The following NEB variants were observed in gnomAD, a reference collection of about 807,000 sequenced individuals.
NEB encodes nemaline myopathy type 2.
In NEB, 512 loss-of-function variants were observed where a neutral mutation model predicts 952.2. That is an observed-to-expected ratio of 0.54 (90% CI 0.50 to 0.58). NEB has a LOEUF of 0.58. NEB is among the 20% of genes least tolerant of loss of function. The pLI is 0.00. For missense variants in NEB, 8,428 were observed against 9,231.1 expected (o/e 0.91, Z 3.56); for synonymous variants, 2,900 against 3,149.8 (o/e 0.92, Z 2.66).
Position 151,513,674 on chromosome 2 carries a change from A to G in NEB, c.23147T>C (p.Leu7716Pro). 6.2e-7 allele frequency: 1 copy of G among 1,604,126 alleles called. No individual in the cohort carries two copies. The highest frequency in any genetic ancestry group is 8.5e-7 in the Non-Finnish European group (1 of 1,174,670). ...GCCTCTTCCTTTGACTTCCAGTTCC[A>G]GGTCTCGCTTATATTCTTTCTATAG... ...ILNEKEYKRD[L>P]ELEVKGRGLN... The change falls in exon 160 of 182, where the codon CTG (leucine) becomes CCG (proline). Residue 7716 changes from leucine (L) to proline (P), a missense_variant. By Grantham distance (98) the Leu-to-Pro change is moderately conservative. Transcript: ENST00000397345.
chr2:151,537,947 C>T lies in NEB; in HGVS notation c.21027G>A (p.Gln7009=), dbSNP rs758282270. Residue 7009 remains glutamine (Q), a synonymous_variant, in exon 140 of 182, where the codon CAG becomes CAA. Coordinates refer to ENST00000397345, the MANE Select transcript of NEB (RefSeq NM_001164508.2). The stretch of plus-strand genomic sequence containing the variant: ...CAGGAATGGACCTCCAGATACCCAA[C>T]TGGCTCATGTAGTTCTCCTTGTATT... ...KIKYKENYMS[Q]LGIWRSIPDR... The T allele has an allele frequency of 8.1e-6, 13 of 1,613,400 alleles. No homozygotes were observed. The African/African-American group carries it at 1.3e-4, about 17-fold the overall frequency.
In NEB at chr2:151,493,410, C is replaced by T. The variant is rs768683537; in HGVS notation, c.24708G>A (p.Pro8236=). The change falls in exon 176 of 182, where the codon CCG becomes CCA. Residue 8236 remains proline (P), a synonymous_variant. Coordinates refer to ENST00000397345, the MANE Select transcript of NEB (RefSeq NM_001164508.2). The part of the protein sequence containing the change: ...LYKENMRKAT[P]TPVTPEMERA... ...TCTCCATCTCTGGAGTAACAGGTGT[C>T]GGAGTTGCTTTTCTCATGTTCTCTT... The T allele has an allele frequency of 1.9e-6, 3 of 1,607,024 alleles. No individual in the cohort carries two copies. Among genetic ancestry groups the T allele is most frequent in the East Asian group, 2.2e-5 (1 of 44,712 alleles).
chr2:151,496,251 G>C (rs368290448), intron 173 of NEB, 25 bp downstream of exon 173: 21 of 1,551,950 alleles, frequency 1.4e-5, no homozygotes, highest in Non-Finnish European at 1.8e-5. Flanking sequence ...TCAGTAAGTA[G>C]TTTTTTTCTT....
chr2:151,515,059 C>T (rs899863198), intron 157 of NEB, 131 bp from the exon 158 acceptor site: 2 of 632,692 alleles, frequency 3.2e-6, no homozygotes, highest in Non-Finnish European at 5.5e-6. Context: ...CTAATGGTCA[C>T]ACATTTGAAA....
Position 151,697,210 on chromosome 2 carries a change from A to C in NEB, c.1408T>G (p.Phe470Val). 6.2e-7 allele frequency: 1 copy of C among 1,613,848 alleles called. No individual in the cohort carries two copies. The highest frequency in any genetic ancestry group is 8.5e-7 in the Non-Finnish European group (1 of 1,179,862). The change falls in exon 16 of 182, where the codon TTC becomes GTC. Residue 470 changes from phenylalanine (F) to valine (V), a missense_variant. Transcript: ENST00000397345. ...TCTTGAGTTATGGTCTGAGGGAAGA[A>C]GCCTTTGCCTCTGTCTTCTTCGTAT... ...AEYEEDRGKG[F>V]FPQTITQEYE...
Position 151,682,938 on chromosome 2 carries a change from C to T in NEB, c.2836-169G>A, listed in dbSNP as rs116270051. Among the ~76,000 whole-genome samples, 506 of 152,236 alleles carry T rather than the reference C, an allele frequency of 3.3e-3. 2 individuals carry two copies. Among genetic ancestry groups the T allele is most frequent in the Non-Finnish European group, 5.8e-3 (392 of 68,016 alleles). On this transcript the variant is annotated intron_variant, in intron 28 of 181. Coordinates refer to ENST00000397345, the MANE Select transcript of NEB (RefSeq NM_001164508.2). Reference sequence around the variant, plus strand: ...TTGGTGAGATATAGTAACAGCTCTTCGATTTTTGCTTTCCTTCTAACTGGC... The same window carrying T: ...TTGGTGAGATATAGTAACAGCTCTTTGATTTTTGCTTTCCTTCTAACTGGC...
At chr2:151,691,161 A>T (rs920243402) in intron 23 of NEB, among the ~76,000 whole-genome samples, 1 of 152,026 alleles carries the variant, frequency 6.6e-6, no homozygotes, top group East Asian at 1.9e-4. Context: ...CCCCTCCTTC[A>T]TCTCCAACCA....
In NEB at chr2:151,687,693, T is replaced by G; in HGVS notation, c.2456A>C (p.Lys819Thr). The change falls in exon 26 of 182, where the codon AAG becomes ACG. Residue 819 changes from lysine (K) to threonine (T), a missense_variant. Around this residue, in one of 11 missense-constraint regions of NEB, gnomAD observed 2,851 missense variants for 2,791.5 expected, o/e 1.02. Transcript: ENST00000397345. ...KQDWEKSKAK[K>T]FDIKVDAIPL... ...AATGGCGTCCACTTTAATGTCAAAC[T>G]TCTTGGCTTTGCTCTTCTCCCAGTC... 6.2e-7 allele frequency: 1 copy of G among 1,601,388 alleles called. No individual in the cohort carries two copies. Among genetic ancestry groups the G allele is most frequent in the Non-Finnish European group, 8.5e-7 (1 of 1,173,096 alleles).
At chr2:151,725,089 ATTTTAGCTGG>A in intron 6 of NEB, 128 bp from the exon 7 acceptor site, 1 of 701,942 alleles carries the variant, frequency 1.4e-6, no homozygotes, top group Non-Finnish European at 2.4e-6. Flanking sequence ...TAGTTTCTGC[ATTTTAGCTGG>A]AAAAATGTGA....
At chr2:151,627,259 T>A in intron 69 of NEB, 54 bp from the exon 70 acceptor site, 1 of 1,556,432 alleles carries the variant, frequency 6.4e-7, no homozygotes, top group Non-Finnish European at 8.7e-7. Flanking sequence ...TAACATGATT[T>A]CAAAAATAAA....
chr2:151,695,690 A>G lies in NEB; in HGVS notation c.1570-8T>C. The G allele has an allele frequency of 6.3e-7, 1 of 1,592,020 alleles. No homozygotes were observed. The highest frequency in any genetic ancestry group is 8.6e-7 in the Non-Finnish European group (1 of 1,160,984). On this transcript the variant is annotated splice_region_variant and splice_polypyrimidine_tract_variant and intron_variant, in intron 17 of 181. Transcript: ENST00000397345. ...TTTTGCTTTGTAATTTAACTATGAC[A>G]GAGAGAGAACCAATTAGTTCAGAAG...
intron 30 of NEB, 62 bp from the exon 31 acceptor site, chr2:151,680,084 G>C: frequency 8.2e-7 from 1 of 1,219,852 alleles, no homozygotes; most frequent in African/African-American, 1.5e-5. Context: ...AATGGCACCA[G>C]AAAATAATTT....
At chr2:151,530,842 C>A in intron 145 of NEB, 152 bp downstream of exon 145, 1 of 585,634 alleles carries the variant, frequency 1.7e-6, no homozygotes, top group Non-Finnish European at 3.0e-6. Context: ...AGTCAACTTA[C>A]CGAATCATGA....
chr2:151,708,230 T>G (rs1251854439), intron 12 of NEB, among the ~76,000 whole-genome samples: 1 of 152,218 alleles, frequency 6.6e-6, no homozygotes, highest in Non-Finnish European at 1.5e-5. Flanking sequence ...AAAGTCCCTC[T>G]TTACCCAGTT....
intron 9 of NEB, among the ~76,000 whole-genome samples, chr2:151,719,131 T>C (rs1045631683): frequency 6.6e-6 from 1 of 152,214 alleles, no homozygotes; most frequent in Non-Finnish European, 1.5e-5. Context: ...CAGATGACAC[T>C]GTAATTTTTT....
chr2:151,525,256 C>A lies in NEB; in HGVS notation c.22179G>T (p.Lys7393Asn). 1 of 1,612,608 alleles carries A rather than the reference C, an allele frequency of 6.2e-7. No homozygotes were observed. Residue 7393 changes from lysine to asparagine, a missense_variant, in exon 151 of 182, where the codon AAG becomes AAT. By Grantham distance (94) the Lys-to-Asn change is moderately conservative. Transcript: ENST00000397345. Reference protein sequence around the residue: ...KHVSDTNYKKKFVKEKGKSNY... With the variant: ...KHVSDTNYKKNFVKEKGKSNY... ...TGGATTTTCCTTTCTCCTTGACAAA[C>A]TTCTTTTTGTAATTTGTCTAAATAG...
chr2:151,716,225 G>A (rs1452096989), intron 10 of NEB: 19 of 352,686 alleles, frequency 5.4e-5, no homozygotes, highest in Non-Finnish European at 9.4e-5. Context: ...TGCAACCTCC[G>A]CTTCCCGGGA....
Position 151,565,766 on chromosome 2 carries a change from C to A in NEB, c.18211G>T (p.Asp6071Tyr), listed in dbSNP as rs1400303199. Residue 6071 changes from aspartate (D) to tyrosine (Y), a missense_variant, in exon 115 of 182, where the codon GAT becomes TAT. By Grantham distance (160) the Asp-to-Tyr change is radical. Transcript: ENST00000397345. ...GTAACCCTTACATGGTCCACAGAAT[C>A]CAGTGGGATCCAGCCAATGCCTCGG... Reference protein sequence around the residue: ...WLRGIGWIPLDSVDHVRVTKN... With the variant: ...WLRGIGWIPLYSVDHVRVTKN... The A allele has an allele frequency of 6.2e-7, 1 of 1,612,464 alleles. No homozygotes were observed. Among genetic ancestry groups the A allele is most frequent in the African/African-American group, 1.3e-5 (1 of 75,018 alleles).
At position 151,496,266 on chromosome 2, in the gene NEB, C is replaced by T. The variant is rs755064162; in HGVS notation, c.24486+10G>A. 5.7e-6 allele frequency: 9 copies of T among 1,592,550 alleles called. No individual in the cohort carries two copies. Among genetic ancestry groups the T allele is most frequent in the East Asian group, 4.5e-5 (2 of 44,578 alleles). On this transcript the variant is annotated intron_variant, in intron 173 of 181. Transcript: ENST00000397345. Reference sequence around the variant, plus strand: ...TCAGTAAGTAGTTTTTTTCTTTTCTCGCCAAGTACCGAGCTAATATTTTCT... The same window carrying T: ...TCAGTAAGTAGTTTTTTTCTTTTCTTGCCAAGTACCGAGCTAATATTTTCT...
Sources: allele counts gnomAD v4.1 joint callset (sites outside exome capture counted in the v4.1 genomes callset), GRCh38; gene constraint gnomAD v4.1.1; regional missense constraint gnomAD v4.1.1; transcripts MANE v1.5; gene names NCBI Gene and HGNC (gene_info 2026-07-23, HGNC 2026-07-21).